Variants in UCHL5 observed in about 807,000 individuals in gnomAD.
UCHL5 encodes the protein ubiquitin carboxyl-terminal hydrolase isozyme L5.
UCHL5 carries 34 observed loss-of-function variants against 53.8 expected under a neutral mutation model. The ratio of observed to expected loss-of-function variants is 0.63; its 90% CI spans 0.48 to 0.84. The LOEUF is 0.84. UCHL5 is among the 40% of genes least tolerant of loss of function. The pLI is 0.00. For synonymous variants in UCHL5, 111 were observed against 126.3 expected (o/e 0.88, Z 0.81); for missense variants, 290 against 385.6 (o/e 0.75, Z 2.08).
At chr1:193,059,589 C>A (rs1447409724), upstream of UCHL5, 4 of 1,469,608 alleles carry the variant, frequency 2.7e-6, no homozygotes, top group Admixed American at 7.4e-5. This position sits in a 1 kb window ranked among gnomAD's most constrained non-coding sequence, Gnocchi z 4.9. Flanking sequence ...GGGGCGGAGG[C>A]GGGGCAAAAG....
intron 10 of UCHL5, 108 bp downstream of exon 10, chr1:193,020,989 T>C: frequency 1.3e-6 from 1 of 748,914 alleles, no homozygotes. Context: ...AATAAAAACG[T>C]ACAAGCTTCC....
chr1:193,044,642 C>A (rs1666795042), intron 3 of UCHL5, among the ~76,000 whole-genome samples: 1 of 151,924 alleles, frequency 6.6e-6, no homozygotes. Flanking sequence ...ATTATAAATG[C>A]CATTTAGTTA....
chr1:193,055,032 C>G (rs1571953054), intron 1 of UCHL5, among the ~76,000 whole-genome samples: 1 of 152,248 alleles, frequency 6.6e-6, no homozygotes. Flanking sequence ...TTGGCACCAA[C>G]CCTGTCGGTC....
At position 193,059,088 on chromosome 1, in the gene UCHL5, C is replaced by T; in HGVS notation, c.76+97G>A. ...CTCCAGGTTCCTGAAGTCACCTCTC[C>T]AGACGCGGGGCGGCGGTGGCCGCAG... is the stretch of plus-strand genomic sequence containing the variant. On this transcript the variant is annotated intron_variant, in intron 1 of 10. Transcript: ENST00000367454. The surrounding 1 kb of genome is among the most constrained non-coding windows in gnomAD (Gnocchi z 4.9). 2 of 1,328,062 alleles carry T rather than the reference C, an allele frequency of 1.5e-6. No individual in the cohort carries two copies. Among genetic ancestry groups the T allele is most frequent in the Non-Finnish European group, 2.0e-6 (2 of 990,364 alleles). The allele number at this position is 1,328,062 out of a possible 1,614,324, so 82.3% of individuals were successfully genotyped here. A position where few individuals can be genotyped will look rare whatever the true frequency, so the allele number is the denominator to read the frequency against.
Position 193,018,462 on chromosome 1 carries a change from A to G in UCHL5, c.943-2067T>C, listed in dbSNP as rs549873794. The G allele has an allele frequency of 7.2e-5, 62 of 860,056 alleles. No individual in the cohort carries two copies. In the South Asian group the frequency reaches 3.1e-3, roughly 43 times the overall value. The allele number at this position is 860,056 out of a possible 1,614,324, so 53.3% of individuals were successfully genotyped here. On this transcript the variant is annotated intron_variant, in intron 10 of 10. Transcript: ENST00000367454. ...TTAAGAAAGAGATTTGGTACATAAT[A>G]CAAGAAGTTTTATAACTATATATTT...
rs1333282564 is a variant in UCHL5 at position 193,015,170 on chromosome 1, A to G, written c.*1181T>C. The G allele has an allele frequency of 6.6e-6, 1 of 152,010 alleles. No homozygotes were observed. Among genetic ancestry groups the G allele is most frequent in the Non-Finnish European group, 1.5e-5 (1 of 67,924 alleles). The allele number at this position is 152,010 out of a possible 1,614,324, so 9.4% of individuals were successfully genotyped here. A position where few individuals can be genotyped will look rare whatever the true frequency, so the allele number is the denominator to read the frequency against. On this transcript the variant is annotated 3_prime_UTR_variant, in exon 11 of 11. Coordinates refer to ENST00000367454, the MANE Select transcript of UCHL5 (RefSeq NM_001199261.3). ...TAGTTCTAAGTCATTTAATACCACAATTACTAAGCTTAAAAACAATCCTTA... is the reference window on the plus strand; with the variant it reads ...TAGTTCTAAGTCATTTAATACCACAGTTACTAAGCTTAAAAACAATCCTTA...
chr1:193,051,159 T>C (rs1372838692), intron 2 of UCHL5, among the ~76,000 whole-genome samples: 2 of 152,030 alleles, frequency 1.3e-5, no homozygotes, highest in Non-Finnish European at 2.9e-5. Context: ...CTCCCACCAG[T>C]GAAAATTCCT....
intron 2 of UCHL5, 102 bp from the exon 3 acceptor site, chr1:193,049,953 A>C: frequency 1.0e-6 from 1 of 975,818 alleles, no homozygotes; most frequent in Non-Finnish European, 1.4e-6. Context: ...ATATAATACA[A>C]ATGAAGTAAA....
At chr1:193,056,919 AGCT>A (rs1670789203) in intron 1 of UCHL5, among the ~76,000 whole-genome samples, 1 of 152,224 alleles carries the variant, frequency 6.6e-6, no homozygotes, top group South Asian at 2.1e-4. Flanking sequence ...ATTTATTAAT[AGCT>A]GCTGATTTTT....
At chr1:193,036,987 T>C (rs1482791829) in intron 3 of UCHL5, among the ~76,000 whole-genome samples, 1 of 151,844 alleles carries the variant, frequency 6.6e-6, no homozygotes, top group African/African-American at 2.4e-5. Context: ...CCAAAATCTA[T>C]GAGATATGGC....
chr1:193,041,683 C>T (rs181077826), intron 3 of UCHL5, among the ~76,000 whole-genome samples: 3 of 152,302 alleles, frequency 2.0e-5, no homozygotes, highest in East Asian at 1.9e-4. Flanking sequence ...ACACAATTCA[C>T]AGTAACTCAA....
At chr1:193,019,912 C>A (rs1175303642) in intron 10 of UCHL5, 1 of 971,950 alleles carries the variant, frequency 1.0e-6, no homozygotes, top group Non-Finnish European at 1.2e-6. Context: ...ACATATTTAG[C>A]ACATTTTATA....
intron 1 of UCHL5, among the ~76,000 whole-genome samples, chr1:193,058,147 AC>A (rs1671326263): frequency 6.6e-6 from 1 of 151,184 alleles, no homozygotes; most frequent in Non-Finnish European, 1.5e-5. Context: ...GATTCGCTTG[AC>A]CCCGAGAGAT....
At chr1:193,026,210 A>G (rs140497442) in intron 7 of UCHL5, among the ~76,000 whole-genome samples, 1,757 of 152,258 alleles carry the variant, frequency 0.012, 16 homozygotes, top group South Asian at 0.034. Context: ...AAAATTACAC[A>G]GGAAAAAAAT....
At chr1:193,053,491 C>T (rs1247535244) in intron 1 of UCHL5, among the ~76,000 whole-genome samples, 1 of 152,196 alleles carries the variant, frequency 6.6e-6, no homozygotes, top group Non-Finnish European at 1.5e-5. Flanking sequence ...TATCTCCTTA[C>T]ATATGTTAAA....
Position 193,014,890 on chromosome 1 carries a change from C to A in UCHL5, c.*1461G>T, listed in dbSNP as rs1237869317. 1 of 151,896 alleles carries A rather than the reference C, an allele frequency of 6.6e-6. No individual in the cohort carries two copies. The highest frequency in any genetic ancestry group is 1.5e-5 in the Non-Finnish European group (1 of 67,910). 9.4% of individuals were successfully genotyped at this position (151,896 alleles called of 1,614,324 possible). On this transcript the variant is annotated 3_prime_UTR_variant, in exon 11 of 11. Coordinates refer to ENST00000367454, the MANE Select transcript of UCHL5 (RefSeq NM_001199261.3). Reference sequence around the variant, plus strand: ...CTCACATTGCTTAACAAAATTTAAGCCTCAATAGGAAAGAATATATAAATT... The same window carrying A: ...CTCACATTGCTTAACAAAATTTAAGACTCAATAGGAAAGAATATATAAATT...
intron 9 of UCHL5, among the ~76,000 whole-genome samples, chr1:193,022,604 T>G (rs1657483813): frequency 6.8e-6 from 1 of 146,232 alleles, no homozygotes; most frequent in Non-Finnish European, 1.5e-5. Context: ...AGGTGGAGGT[T>G]GCAGTGAGCC....
intron 10 of UCHL5, 78 bp from the exon 11 acceptor site, chr1:193,016,473 G>T: frequency 2.2e-6 from 3 of 1,336,508 alleles, no homozygotes; most frequent in African/African-American, 1.5e-5. Context: ...TGCCTAAGAG[G>T]GTATTCTCAA....
chr1:193,049,584 T>C, intron 3 of UCHL5, 162 bp downstream of exon 3: 1 of 467,800 alleles, frequency 2.1e-6, no homozygotes, highest in Non-Finnish European at 3.8e-6. Context: ...AAAGCTCTTT[T>C]GAGATGTCAA....
Sources: gnomAD v4.1 joint callset for allele counts (sites outside exome capture counted in the v4.1 genomes callset) on GRCh38, gnomAD v4.1.1 for gene constraint, Gnocchi (gnomAD v3.1) non-coding constraint, MANE v1.5 for transcripts, NCBI Gene and HGNC (gene_info 2026-07-23, HGNC 2026-07-21) for gene names.